Variants in PRKG1 observed in about 807,000 individuals in gnomAD.
PRKG1 encodes the protein protein kinase cGMP-dependent 1, also known as cGMP-dependent protein kinase 1.
Under a neutral mutation model 88.1 loss-of-function variants are expected in PRKG1, and 35 were observed. The observed-to-expected ratio is 0.40, with a 90% CI of 0.30 to 0.53. The LOEUF (loss-of-function observed/expected upper bound fraction) is 0.53. PRKG1 is among the 20% of genes least tolerant of loss of function. PRKG1 has a pLI of 0.59. For missense variants in PRKG1, 540 were observed against 839.8 expected (o/e 0.64, Z 4.41); for synonymous variants, 303 against 292.5 (o/e 1.04, Z -0.37).
At chr10:52,012,367 GAGT>G (rs1844910942) in intron 5 of PRKG1, among the ~76,000 whole-genome samples, 1 of 151,370 alleles carries the variant, frequency 6.6e-6, no homozygotes, top group Admixed American at 6.6e-5. Context: ...TCAGCCTCCT[GAGT>G]AGCTGGGACT....
chr10:51,439,013 A>T (rs12782162), intron 2 of PRKG1, among the ~76,000 whole-genome samples: 1,586 of 78,512 alleles, frequency 0.02, 12 homozygotes, highest in Middle Eastern at 0.06. Context: ...TTTTTTTTTT[A>T]AAAAAAAAGA....
intron 5 of PRKG1, among the ~76,000 whole-genome samples, chr10:51,941,007 TCC>T (rs1186591036): frequency 6.6e-6 from 1 of 151,878 alleles, no homozygotes; most frequent in African/African-American, 2.4e-5. Flanking sequence ...TTCCATCTGT[TCC>T]CCTCTCTGCC....
At chr10:51,403,451 C>T (rs529720957) in intron 2 of PRKG1, among the ~76,000 whole-genome samples, 1 of 152,174 alleles carries the variant, frequency 6.6e-6, no homozygotes, top group East Asian at 1.9e-4. Flanking sequence ...TCAAAAATGT[C>T]CATATATAGG....
chr10:51,050,534 A>T (rs1196552172), intron 1 of PRKG1, among the ~76,000 whole-genome samples: 1 of 152,084 alleles, frequency 6.6e-6, no homozygotes, highest in African/African-American at 2.4e-5. Flanking sequence ...GTATGTATAC[A>T]CCATATTTTC....
intron 1 of PRKG1, among the ~76,000 whole-genome samples, chr10:51,118,291 GC>G (rs1845176857): frequency 6.6e-6 from 1 of 152,116 alleles, no homozygotes; most frequent in Non-Finnish European, 1.5e-5. Flanking sequence ...AACTTCCTGT[GC>G]AAAAGCAGAT....
intron 3 of PRKG1, chr10:51,697,552 A>G: frequency 4.9e-6 from 4 of 819,564 alleles, no homozygotes; most frequent in Non-Finnish European, 7.5e-6. Context: ...AAACAGAAAG[A>G]AAGAAAAAGA....
intron 1 of PRKG1, among the ~76,000 whole-genome samples, chr10:51,103,703 T>A: frequency 6.6e-6 from 1 of 152,144 alleles, no homozygotes; most frequent in East Asian, 1.9e-4. Context: ...AGGCAGGAAG[T>A]GTCAAGCTTC....
At chr10:51,874,305 TA>T (rs1841235779) in intron 4 of PRKG1, among the ~76,000 whole-genome samples, 1 of 152,222 alleles carries the variant, frequency 6.6e-6, no homozygotes, top group Non-Finnish European at 1.5e-5. Context: ...TCTGTTTCAT[TA>T]AAAATACATG....
intron 2 of PRKG1, among the ~76,000 whole-genome samples, chr10:51,313,805 A>G (rs1841253017): frequency 6.6e-6 from 1 of 152,212 alleles, no homozygotes; most frequent in Non-Finnish European, 1.5e-5. Flanking sequence ...TAGGTTACTT[A>G]TAATACCAAA....
At chr10:51,957,159 T>TTC (rs146269300) in intron 5 of PRKG1, among the ~76,000 whole-genome samples, 81,362 of 112,546 alleles carry the variant, frequency 0.72, 29,270 homozygotes, top group African/African-American at 0.81. Context: ...TCCTCTTTCT[T>TTC]TCTCTCTTTC....
chr10:51,699,222 T>C, intron 3 of PRKG1: 2 of 1,614,142 alleles, frequency 1.2e-6, no homozygotes, highest in African/African-American at 1.3e-5. Context: ...GAGTCAATAA[T>C]GGGCGCTGCA....
intron 3 of PRKG1, among the ~76,000 whole-genome samples, chr10:51,735,224 A>G (rs1337722226): frequency 6.6e-6 from 1 of 152,156 alleles, no homozygotes; most frequent in Non-Finnish European, 1.5e-5. Flanking sequence ...TATGAAGAAT[A>G]CTTTCTAGGG....
intron 5 of PRKG1, among the ~76,000 whole-genome samples, chr10:51,956,717 C>CTCTG (rs1457695964): frequency 6.6e-6 from 1 of 151,878 alleles, no homozygotes; most frequent in South Asian, 2.1e-4. Context: ...AAACTCCTCT[C>CTCTG]TCTCTTTTTT....
At chr10:51,170,737 C>T (rs1299991786) in intron 2 of PRKG1, among the ~76,000 whole-genome samples, 3 of 61,152 alleles carry the variant, frequency 4.9e-5, no homozygotes, top group African/African-American at 2.0e-4. Flanking sequence ...GCCAGTGTGG[C>T]ATGAGTGGGG....
intron 10 of PRKG1, among the ~76,000 whole-genome samples, chr10:52,267,993 T>G (rs1364947423): frequency 1.3e-5 from 2 of 152,140 alleles, no homozygotes; most frequent in Non-Finnish European, 2.9e-5. Flanking sequence ...AATAATTAAC[T>G]TCAACATTCT....
chr10:51,749,568 G>A (rs1837667385), intron 3 of PRKG1, among the ~76,000 whole-genome samples: 3 of 152,126 alleles, frequency 2.0e-5, no homozygotes, highest in South Asian at 4.1e-4. Flanking sequence ...GTCTCCAAAT[G>A]TAGTCACATT....
chr10:52,094,712 C>T (rs1388119036), intron 7 of PRKG1, among the ~76,000 whole-genome samples: 1 of 152,160 alleles, frequency 6.6e-6, no homozygotes, highest in African/African-American at 2.4e-5. Flanking sequence ...TGCCTTCTTG[C>T]TGTGTGCTCA....
At chr10:52,164,027 T>C (rs1411380853) in intron 9 of PRKG1, among the ~76,000 whole-genome samples, 1 of 152,112 alleles carries the variant, frequency 6.6e-6, no homozygotes, top group Non-Finnish European at 1.5e-5. Context: ...ATTTAATTGA[T>C]GGCAGTGTGT....
intron 9 of PRKG1, among the ~76,000 whole-genome samples, chr10:52,204,039 T>A (rs2132783600): frequency 6.6e-6 from 1 of 151,986 alleles, no homozygotes; most frequent in South Asian, 2.1e-4. Flanking sequence ...TATTAATATG[T>A]GTGGATTTGA....
Sources: allele counts gnomAD v4.1 joint callset (sites outside exome capture counted in the v4.1 genomes callset), GRCh38; gene constraint gnomAD v4.1.1; transcripts MANE v1.5; gene names NCBI Gene and HGNC (gene_info 2026-07-23, HGNC 2026-07-21).